Variants in KYNU observed in about 807,000 individuals in gnomAD.
KYNU encodes L-kynurenine hydrolase.
KYNU carries 54 observed loss-of-function variants against 59.2 expected under a neutral mutation model. The ratio of observed to expected loss-of-function variants is 0.91; its 90% CI spans 0.73 to 1.14. The LOEUF (loss-of-function observed/expected upper bound fraction) is 1.14, where lower values mean the gene tolerates loss of function less well. Among genes scored for constraint, KYNU ranks in the 50% most tolerant of loss-of-function variants. The pLI is 0.00. For synonymous variants in KYNU, 177 were observed against 192.0 expected (o/e 0.92, Z 0.65); for missense variants, 567 against 554.4 (o/e 1.02, Z -0.23).
At chr2:142,960,308 T>G (rs1441305133) in intron 7 of KYNU, among the ~76,000 whole-genome samples, 1 of 152,194 alleles carries the variant, frequency 6.6e-6, no homozygotes, top group Non-Finnish European at 1.5e-5. Flanking sequence ...GTTTTATTAG[T>G]CAGGAATAAG....
chr2:143,019,264 G>C (rs1003427605), intron 10 of KYNU, among the ~76,000 whole-genome samples: 6 of 152,116 alleles, frequency 3.9e-5, no homozygotes, highest in African/African-American at 1.4e-4. Flanking sequence ...GATGTAAGCT[G>C]TGGGTTTGTC....
rs373422189 is a variant in KYNU at position 142,957,671 on chromosome 2, G to A, written c.538G>A (p.Gly180Arg). 1.7e-5 allele frequency: 27 copies of A among 1,606,738 alleles called. No homozygotes were observed. The highest frequency in any genetic ancestry group is 5.5e-5 in the South Asian group (5 of 90,886). The change falls in exon 7 of 14, where the codon GGA (glycine) becomes AGA (arginine). Residue 180 changes from glycine to arginine, a missense_variant. Coordinates refer to ENST00000264170, the MANE Select transcript of KYNU (RefSeq NM_003937.3). ...YAIESQLQLHGLNIEESMRMI... is the reference protein window; with the variant it reads ...YAIESQLQLHRLNIEESMRMI... ...TATTGAGTCACAACTACAACTTCACGGACTTAACATTGAAGAAAGTATGCG... is the reference window on the plus strand; with the variant it reads ...TATTGAGTCACAACTACAACTTCACAGACTTAACATTGAAGAAAGTATGCG...
intron 3 of KYNU, among the ~76,000 whole-genome samples, chr2:142,919,099 T>G (rs949006539): frequency 1.2e-4 from 19 of 152,218 alleles, no homozygotes; most frequent in Non-Finnish European, 1.5e-5. Flanking sequence ...AGCCATCCAT[T>G]TTTTTCCCCA....
At chr2:142,978,047 C>CA (rs905734078) in intron 8 of KYNU, among the ~76,000 whole-genome samples, 2 of 152,042 alleles carry the variant, frequency 1.3e-5, no homozygotes, top group African/African-American at 4.8e-5. Context: ...AAGACTGTGG[C>CA]AAAAAAACCT....
chr2:142,953,241 G>A (rs115232105), intron 4 of KYNU, among the ~76,000 whole-genome samples: 9 of 152,268 alleles, frequency 5.9e-5, no homozygotes, highest in South Asian at 2.1e-4. Context: ...TACCCACCGC[G>A]TATGACTTAT....
At position 142,985,178 on chromosome 2, in the gene KYNU, A is replaced by G. The variant is rs1685164301; in HGVS notation, c.824A>G (p.Tyr275Cys). Reference sequence around the variant, plus strand: ...GTTGATTTTGCCTGCTGGTGTTCCTACAAGGTACAAACGAGTTAATACATT... The same window carrying G: ...GTTGATTTTGCCTGCTGGTGTTCCTGCAAGGTACAAACGAGTTAATACATT... ...WGVDFACWCS[Y>C]KYLNAGAGGI... is the part of the protein sequence containing the mutation. The change falls in exon 9 of 14, where the codon TAC becomes TGC. Residue 275 changes from tyrosine to cysteine, a missense_variant. By Grantham distance (194) the Tyr-to-Cys change is radical. Transcript: ENST00000264170. 6.3e-7 allele frequency: 1 copy of G among 1,577,556 alleles called. No individual in the cohort carries two copies. The highest frequency in any genetic ancestry group is 8.7e-7 in the Non-Finnish European group (1 of 1,147,192).
intron 4 of KYNU, among the ~76,000 whole-genome samples, chr2:142,933,103 G>C (rs1400155228): frequency 1.3e-5 from 2 of 152,178 alleles, no homozygotes; most frequent in Non-Finnish European, 2.9e-5. Context: ...AAACTGTTAG[G>C]TTGGCATGGA....
chr2:143,005,557 A>G (rs1267973285), intron 10 of KYNU, among the ~76,000 whole-genome samples: 7 of 152,210 alleles, frequency 4.6e-5, no homozygotes, highest in Non-Finnish European at 1.0e-4. Context: ...ATTTCCCGGG[A>G]AAGCAGAAGT....
intron 12 of KYNU, 26 bp from the exon 13 acceptor site, chr2:143,040,402 T>TA: frequency 6.5e-7 from 1 of 1,549,380 alleles, no homozygotes; most frequent in Non-Finnish European, 8.9e-7. Context: ...TAAGACACTT[T>TA]AATCTGATTG....
chr2:142,987,036 T>C (rs1237768599), intron 10 of KYNU, among the ~76,000 whole-genome samples: 2 of 151,886 alleles, frequency 1.3e-5, no homozygotes, highest in African/African-American at 4.8e-5. Context: ...TTTAAATATC[T>C]TTGGACAGAT....
rs1256478592 is a variant in KYNU at position 143,029,686 on chromosome 2, G to T, written c.955+7G>T. 6.7e-7 allele frequency: 1 copy of T among 1,496,626 alleles called. No individual in the cohort carries two copies. Among genetic ancestry groups the T allele is most frequent in the Non-Finnish European group, 9.3e-7 (1 of 1,072,802 alleles). The allele number at this position is 1,496,626 out of a possible 1,614,324, so 92.7% of individuals were successfully genotyped here. A position where few individuals can be genotyped will look rare whatever the true frequency, so the allele number is the denominator to read the frequency against. ...AGATTTAAGATGGATAACAGTAAGT[G>T]TATTTATTTTACCTAATGCCATTTT... On this transcript the variant is annotated splice_region_variant and intron_variant, in intron 11 of 13. Coordinates refer to ENST00000264170, the MANE Select transcript of KYNU (RefSeq NM_003937.3).
rs1558990201 is a variant in KYNU, at chr2:143,042,608, A to ATGTGTG, written c.*437_*438insGTGTGT. The ATGTGTG allele has an allele frequency of 1.7e-4, 2 of 11,582 alleles. No homozygotes were observed. Among genetic ancestry groups the ATGTGTG allele is most frequent in the African/African-American group, 2.7e-4 (2 of 7,314 alleles). 0.7% of individuals were successfully genotyped at this position (11,582 alleles called of 1,614,324 possible). A position where few individuals can be genotyped will look rare whatever the true frequency, so the allele number is the denominator to read the frequency against. ...GATATATATATATATATATATATAT[A>ATGTGTG]TATATATATATATATATATATATGT... On this transcript the variant is annotated 3_prime_UTR_variant, in exon 14 of 14. Transcript: ENST00000264170.
At position 142,988,827 on chromosome 2, in the gene KYNU, G is replaced by T. The variant is rs761152545; in HGVS notation, c.902+2806G>T. On this transcript the variant is annotated intron_variant, in intron 10 of 13. Coordinates refer to ENST00000264170, the MANE Select transcript of KYNU (RefSeq NM_003937.3). ...TATTCTGTACCAAGTATCTTATATT[G>T]TACTTCATTTGCATTAGGAGATCGG... 6.4e-6 allele frequency: 10 copies of T among 1,567,136 alleles called. No individual in the cohort carries two copies. In the Admixed American group the frequency reaches 1.5e-4, roughly 24 times the overall value.
At chr2:142,892,520 T>C (rs1399769377) in intron 2 of KYNU, among the ~76,000 whole-genome samples, 1 of 152,148 alleles carries the variant, frequency 6.6e-6, no homozygotes, top group Non-Finnish European at 1.5e-5. Context: ...AGGTACGGAA[T>C]AGGGAATATA....
intron 12 of KYNU, among the ~76,000 whole-genome samples, chr2:143,038,440 A>G (rs971448098): frequency 6.6e-6 from 1 of 152,074 alleles, no homozygotes; most frequent in South Asian, 2.1e-4. Context: ...TGCCAAGTCT[A>G]CCTACATTTG....
At chr2:142,952,562 G>C (rs1684027742) in intron 4 of KYNU, among the ~76,000 whole-genome samples, 1 of 151,860 alleles carries the variant, frequency 6.6e-6, no homozygotes, top group Non-Finnish European at 1.5e-5. Context: ...TCAGCCTCCA[G>C]AGTAGCTGGA....
In KYNU at chr2:143,042,650, A is replaced by ATG. The variant is rs1316548351; in HGVS notation, c.*479_*480insGT. 2.2e-5 allele frequency: 3 copies of ATG among 136,910 alleles called. No individual in the cohort carries two copies. Among genetic ancestry groups the ATG allele is most frequent in the African/African-American group, 8.5e-5 (3 of 35,482 alleles). The allele number at this position is 136,910 out of a possible 1,614,324, so 8.5% of individuals were successfully genotyped here. A position where few individuals can be genotyped will look rare whatever the true frequency, so the allele number is the denominator to read the frequency against. On this transcript the variant is annotated 3_prime_UTR_variant, in exon 14 of 14. Transcript: ENST00000264170. ...TATATATGTGTGTGTGTGTGTGTGT[A>ATG]TATATATATATATATATCATATATA...
intron 10 of KYNU, among the ~76,000 whole-genome samples, chr2:143,022,203 A>G (rs1686430516): frequency 6.6e-6 from 1 of 152,134 alleles, no homozygotes; most frequent in African/African-American, 2.4e-5. Flanking sequence ...TACATTAAGT[A>G]TCTTTCTACT....
At chr2:143,029,033 A>AT (rs1686663009) in intron 10 of KYNU, among the ~76,000 whole-genome samples, 1 of 152,206 alleles carries the variant, frequency 6.6e-6, no homozygotes, top group Non-Finnish European at 1.5e-5. Flanking sequence ...TAATTTTAAA[A>AT]TAAAAACTGC....
Sources: gnomAD v4.1 joint callset for allele counts (sites outside exome capture counted in the v4.1 genomes callset) on GRCh38, gnomAD v4.1.1 for gene constraint, MANE v1.5 for transcripts, NCBI Gene and HGNC (gene_info 2026-07-23, HGNC 2026-07-21) for gene names.